The following ROR1 variants were observed in gnomAD, a reference collection of about 807,000 sequenced individuals.
The protein encoded by ROR1 is inactive tyrosine-protein kinase transmembrane receptor ROR1.
ROR1 carries 19 observed loss-of-function variants against 78.8 expected under a neutral mutation model. The ratio of observed to expected loss-of-function variants is 0.24; its 90% CI spans 0.17 to 0.35. The LOEUF is 0.35. Among genes scored for constraint, ROR1 ranks in the 10% least tolerant of loss-of-function variants. ROR1 has a pLI of 1.00. For missense variants in ROR1, 917 were observed against 1,177.8 expected (o/e 0.78, Z 3.24); for synonymous variants, 386 against 433.6 (o/e 0.89, Z 1.36).
At chr1:63,835,247 T>G (rs1645012942) in intron 1 of ROR1, among the ~76,000 whole-genome samples, 1 of 152,218 alleles carries the variant, frequency 6.6e-6, no homozygotes, top group African/African-American at 2.4e-5. Flanking sequence ...ATGATGTCAC[T>G]CATCCCTTTC....
intron 2 of ROR1, among the ~76,000 whole-genome samples, chr1:64,018,915 C>CGGAA (rs1646542659): frequency 6.6e-6 from 1 of 152,062 alleles, no homozygotes; most frequent in African/African-American, 2.4e-5. Flanking sequence ...GACCCTATTC[C>CGGAA]CCTCCATTGT....
At chr1:63,956,337 A>C (rs1453537698) in intron 1 of ROR1, among the ~76,000 whole-genome samples, 1 of 152,178 alleles carries the variant, frequency 6.6e-6, no homozygotes, top group Non-Finnish European at 1.5e-5. Flanking sequence ...ACTGATCAGC[A>C]GAGCTCAGCC....
intron 8 of ROR1, among the ~76,000 whole-genome samples, chr1:64,168,968 G>C (rs561898994): frequency 1.3e-5 from 2 of 152,344 alleles, no homozygotes; most frequent in East Asian, 3.9e-4. Flanking sequence ...GACAATCTCA[G>C]ACCCACATAG....
intron 1 of ROR1, among the ~76,000 whole-genome samples, chr1:64,002,610 T>C (rs1646394205): frequency 6.6e-6 from 1 of 152,244 alleles, no homozygotes. Flanking sequence ...GTCATTGTGG[T>C]GCTTTTTGTA....
At chr1:63,793,947 A>G (rs1335554315) in intron 1 of ROR1, among the ~76,000 whole-genome samples, 2 of 152,190 alleles carry the variant, frequency 1.3e-5, no homozygotes, top group African/African-American at 2.4e-5. Context: ...CCCCAGGGAA[A>G]GACTCCTGTC....
intron 4 of ROR1, among the ~76,000 whole-genome samples, chr1:64,081,933 T>A (rs55748712): frequency 6.6e-6 from 1 of 152,050 alleles, no homozygotes; most frequent in Non-Finnish European, 1.5e-5. Flanking sequence ...TATGTTAGTA[T>A]GTTTATAACG....
At chr1:63,843,948 C>G (rs1645064551) in intron 1 of ROR1, among the ~76,000 whole-genome samples, 1 of 152,140 alleles carries the variant, frequency 6.6e-6, no homozygotes, top group South Asian at 2.1e-4. Flanking sequence ...CCATTTACTG[C>G]CTGCCTATTA....
rs575756284 is a variant in ROR1, at chr1:63,906,490, A to G, written c.92-102815A>G. 4.2e-4 allele frequency among the ~76,000 whole-genome samples: 64 copies of G among 152,290 alleles called. No homozygotes were observed. In the South Asian group the frequency reaches 0.013, roughly 32 times the overall value. On this transcript the variant is annotated intron_variant, in intron 1 of 8. Transcript: ENST00000371079. ...GGCCTGTTCCATGGATTTTTCTTCA[A>G]TGCAAATCCAGCTGTGTCAGTTCCC...
intron 4 of ROR1, among the ~76,000 whole-genome samples, chr1:64,102,667 T>C (rs1354581546): frequency 6.6e-6 from 1 of 152,230 alleles, no homozygotes; most frequent in Non-Finnish European, 1.5e-5. Context: ...CAGGTATCTA[T>C]CTCAAAGCCA....
chr1:63,958,517 T>C (rs1051931405), intron 1 of ROR1, among the ~76,000 whole-genome samples: 2 of 152,214 alleles, frequency 1.3e-5, no homozygotes, highest in Admixed American at 1.3e-4. Flanking sequence ...TTGTAAATTA[T>C]TTCTCTTTGC....
At chr1:63,816,443 C>T (rs1421253385) in intron 1 of ROR1, among the ~76,000 whole-genome samples, 1 of 152,226 alleles carries the variant, frequency 6.6e-6, no homozygotes, top group Non-Finnish European at 1.5e-5. Context: ...AGCTCTTTCT[C>T]TCTTTGCCTG....
At chr1:63,821,184 A>G (rs544798685) in intron 1 of ROR1, among the ~76,000 whole-genome samples, 3 of 152,316 alleles carry the variant, frequency 2.0e-5, no homozygotes, top group Admixed American at 6.5e-5. Flanking sequence ...TAATTCTCAC[A>G]TTTAACCATG....
At chr1:64,154,369 T>A (rs1368633654) in intron 7 of ROR1, among the ~76,000 whole-genome samples, 2 of 152,246 alleles carry the variant, frequency 1.3e-5, no homozygotes, top group African/African-American at 4.8e-5. Context: ...GTTTGTTTTC[T>A]ATGGTTTTTA....
chr1:64,127,024 T>G (rs1648734636), intron 4 of ROR1, among the ~76,000 whole-genome samples: 1 of 152,204 alleles, frequency 6.6e-6, no homozygotes, highest in Non-Finnish European at 1.5e-5. Flanking sequence ...CTAGCACCTT[T>G]TTTCAAGTTT....
chr1:64,162,309 GAGA>G (rs1390060136), intron 8 of ROR1, among the ~76,000 whole-genome samples: 1 of 152,186 alleles, frequency 6.6e-6, no homozygotes, highest in Non-Finnish European at 1.5e-5. Context: ...TGTTTGGATT[GAGA>G]AGAAGAGGCT....
At chr1:64,008,558 GA>G (rs1286563990) in intron 1 of ROR1, among the ~76,000 whole-genome samples, 1 of 152,122 alleles carries the variant, frequency 6.6e-6, no homozygotes, top group East Asian at 1.9e-4. Context: ...CACAGTGGTG[GA>G]ACTAATTTAC....
chr1:63,899,805 A>G (rs1488817127), intron 1 of ROR1, among the ~76,000 whole-genome samples: 3 of 151,854 alleles, frequency 2.0e-5, no homozygotes, highest in Non-Finnish European at 4.4e-5. Context: ...GCGATTGGAC[A>G]ATGCAGTTTT....
intron 1 of ROR1, among the ~76,000 whole-genome samples, chr1:63,884,512 C>T (rs1281343406): frequency 6.6e-6 from 1 of 152,182 alleles, no homozygotes; most frequent in East Asian, 1.9e-4. Context: ...AAGGAAATTG[C>T]TCAAGGTCAC....
intron 1 of ROR1, among the ~76,000 whole-genome samples, chr1:63,831,801 G>T (rs67213434): frequency 0.15 from 22,618 of 152,190 alleles, 1,785 homozygotes; most frequent in Middle Eastern, 0.22. Context: ...CTACAACATG[G>T]TCAGGCTACA....
Sources: gnomAD v4.1 joint callset for allele counts (sites outside exome capture counted in the v4.1 genomes callset) on GRCh38, gnomAD v4.1.1 for gene constraint, MANE v1.5 for transcripts, NCBI Gene and HGNC (gene_info 2026-07-23, HGNC 2026-07-21) for gene names.